Variants in SAMD12 observed in about 807,000 individuals in gnomAD.
The protein encoded by SAMD12 is sterile alpha motif domain containing 12, also known as sterile alpha motif domain-containing protein 12.
SAMD12 carries 9 observed loss-of-function variants against 15.0 expected under a neutral mutation model. The ratio of observed to expected loss-of-function variants is 0.60; its 90% CI spans 0.36 to 1.05. SAMD12 has a LOEUF of 1.05. Ranked by LOEUF, SAMD12 falls within the 50% of genes least tolerant of loss-of-function variation. The pLI, the probability that SAMD12 is intolerant of heterozygous loss-of-function variation, is 0.01. For missense variants in SAMD12, 230 were observed against 234.2 expected (o/e 0.98, Z 0.12); for synonymous variants, 86 against 90.1 (o/e 0.96, Z 0.25).
At chr8:118,189,878 G>A (rs544653294) in exon 5 of SAMD12, 11 of 134,222 alleles carry the variant, frequency 8.2e-5, no homozygotes, top group African/African-American at 3.1e-4. Context: ...AGGCACTCTT[G>A]TTTTACCACA....
exon 5 of SAMD12, chr8:118,191,791 TATATATATATATATATATATAGAGAGAG>T (rs1819396635): frequency 5.4e-5 from 3 of 55,528 alleles, no homozygotes; most frequent in African/African-American, 7.4e-5. Flanking sequence ...TATATATATA[TATATATATATATATATATATAGAGAGAG>T]AGAGAGAGAG....
chr8:118,295,449 C>A (rs1001032744), intron 4 of SAMD12, among the ~76,000 whole-genome samples: 127 of 152,136 alleles, frequency 8.3e-4, no homozygotes, highest in African/African-American at 2.9e-3. Flanking sequence ...CCAAACTGCA[C>A]ATTCAAATCT....
At chr8:118,368,678 A>G (rs1242503835) in intron 4 of SAMD12, among the ~76,000 whole-genome samples, 1 of 152,232 alleles carries the variant, frequency 6.6e-6, no homozygotes, top group Non-Finnish European at 1.5e-5. Flanking sequence ...TTGATATTGC[A>G]TTCACTGCTT....
intron 2 of SAMD12, among the ~76,000 whole-genome samples, chr8:118,482,582 G>A (rs536769160): frequency 1.3e-5 from 2 of 151,960 alleles, no homozygotes; most frequent in African/African-American, 4.8e-5. Flanking sequence ...AGTAATTATT[G>A]TAAGTAATCT....
intron 4 of SAMD12, among the ~76,000 whole-genome samples, chr8:118,326,957 G>A (rs959950813): frequency 1.1e-4 from 17 of 152,158 alleles, no homozygotes; most frequent in Non-Finnish European, 2.2e-4. Flanking sequence ...AACAATGAAA[G>A]CAACTAGAAA....
chr8:118,366,521 A>G (rs1468739257), intron 4 of SAMD12, among the ~76,000 whole-genome samples: 1 of 152,180 alleles, frequency 6.6e-6, no homozygotes, highest in Non-Finnish European at 1.5e-5. Flanking sequence ...AAAAAGATAA[A>G]CAAAATGAGG....
intron 3 of SAMD12, among the ~76,000 whole-genome samples, chr8:118,408,386 C>A (rs1381404027): frequency 6.6e-6 from 1 of 152,148 alleles, no homozygotes; most frequent in Non-Finnish European, 1.5e-5. Context: ...CCCCACTCTG[C>A]AACTTTATTC....
chr8:118,378,675 C>T lies in SAMD12; in HGVS notation c.*742G>A. On this transcript the variant is annotated 3_prime_UTR_variant, in exon 4 of 4. Transcript: ENST00000314727. The stretch of plus-strand genomic sequence containing the variant: ...GACAAATACTCAAGGCTCTCAAAAA[C>T]ACATATTTTATCATCCTTTCATTTA... The T allele has an allele frequency of 1.0e-6, 1 of 984,766 alleles. No individual in the cohort carries two copies. Among genetic ancestry groups the T allele is most frequent in the Non-Finnish European group, 1.2e-6 (1 of 829,462 alleles). 61.0% of individuals were successfully genotyped at this position (984,766 alleles called of 1,614,324 possible).
intron 1 of SAMD12, among the ~76,000 whole-genome samples, chr8:118,611,803 C>T (rs544830473): frequency 6.6e-6 from 1 of 152,266 alleles, no homozygotes; most frequent in African/African-American, 2.4e-5. Flanking sequence ...ATATTCCATT[C>T]TATGGTCCCA....
At chr8:118,285,258 G>T (rs993186027) in intron 4 of SAMD12, among the ~76,000 whole-genome samples, 2 of 152,154 alleles carry the variant, frequency 1.3e-5, no homozygotes, top group African/African-American at 4.8e-5. Flanking sequence ...TACCCACACT[G>T]CACAGTGGGT....
chr8:118,405,801 T>C (rs1821100972), intron 3 of SAMD12, among the ~76,000 whole-genome samples: 1 of 152,218 alleles, frequency 6.6e-6, no homozygotes, highest in African/African-American at 2.4e-5. Context: ...TTGCCACTAA[T>C]GGTGTCACAG....
chr8:118,507,450 C>T (rs957704010), intron 2 of SAMD12, among the ~76,000 whole-genome samples: 2 of 152,006 alleles, frequency 1.3e-5, no homozygotes, highest in African/African-American at 4.8e-5. Context: ...GAGCCTGATA[C>T]CAAGCATGGT....
intron 4 of SAMD12, among the ~76,000 whole-genome samples, chr8:118,298,589 C>T (rs981820946): frequency 6.6e-6 from 1 of 152,102 alleles, no homozygotes; most frequent in Non-Finnish European, 1.5e-5. Context: ...GTTGTTTATA[C>T]AATTTTGAAT....
chr8:118,433,159 T>C (rs902266413), intron 3 of SAMD12, among the ~76,000 whole-genome samples: 5 of 152,194 alleles, frequency 3.3e-5, no homozygotes, highest in African/African-American at 1.2e-4. Flanking sequence ...TTGCTACTCA[T>C]TCAGCCCAGT....
At chr8:118,433,671 A>C (rs1822488966) in intron 3 of SAMD12, among the ~76,000 whole-genome samples, 1 of 152,214 alleles carries the variant, frequency 6.6e-6, no homozygotes, top group African/African-American at 2.4e-5. Context: ...CTTATGTTCT[A>C]ATCATATCAG....
At chr8:118,543,777 G>C (rs1390181426) in intron 2 of SAMD12, among the ~76,000 whole-genome samples, 1 of 151,820 alleles carries the variant, frequency 6.6e-6, no homozygotes, top group Non-Finnish European at 1.5e-5. Flanking sequence ...TCTTCCTTCA[G>C]AATATATATT....
At chr8:118,597,977 G>T (rs1827765128) in intron 1 of SAMD12, among the ~76,000 whole-genome samples, 1 of 152,186 alleles carries the variant, frequency 6.6e-6, no homozygotes, top group Admixed American at 6.5e-5. Context: ...ATTGTTGAAT[G>T]AAGGAATAAA....
intron 2 of SAMD12, among the ~76,000 whole-genome samples, chr8:118,506,807 T>C (rs1247981254): frequency 6.6e-6 from 1 of 150,504 alleles, no homozygotes; most frequent in Admixed American, 6.7e-5. Flanking sequence ...GATGATTACA[T>C]TGGTGTGGTG....
rs574367322 is a variant in SAMD12 at position 118,483,828 on chromosome 8, C to T, written c.193-43867G>A. Among the ~76,000 whole-genome samples, 12 of 152,250 alleles carry T rather than the reference C, an allele frequency of 7.9e-5. No homozygotes were observed. The South Asian group carries it at 2.5e-3, about 32-fold the overall frequency. ...CATATTGTCATTCTTACCCCCATTT[C>T]GTTGACAAGAAAACCAAGGTTCAGA... On this transcript the variant is annotated intron_variant, in intron 2 of 3. Transcript: ENST00000314727.
Sources: allele counts gnomAD v4.1 joint callset (sites outside exome capture counted in the v4.1 genomes callset), GRCh38; gene constraint gnomAD v4.1.1; transcripts MANE v1.5; gene names NCBI Gene and HGNC (gene_info 2026-07-23, HGNC 2026-07-21).